ATP2B2: variants seen among roughly 807,000 people sequenced by gnomAD.
ATP2B2 encodes ATPase plasma membrane Ca2+ transporting 2, also known as plasma membrane calcium-transporting ATPase 2.
In ATP2B2, 15 loss-of-function variants were observed where a neutral mutation model predicts 120.0. The ratio of observed to expected loss-of-function variants is 0.12; its 90% CI spans 0.08 to 0.19. The LOEUF (loss-of-function observed/expected upper bound fraction) is 0.19. ATP2B2 is among the 10% of genes least tolerant of loss of function. ATP2B2 has a pLI of 1.00. For synonymous variants in ATP2B2, 694 were observed against 700.3 expected (o/e 0.99, Z 0.14); for missense variants, 1,045 against 1,719.8 (o/e 0.61, Z 6.94).
Position 10,447,248 on chromosome 3 carries a change from C to G in ATP2B2, c.199+2097G>C, listed in dbSNP as rs116270174. 1.1e-3 allele frequency among the ~76,000 whole-genome samples: 161 copies of G among 152,346 alleles called. 1 individual carries two copies. Among genetic ancestry groups the G allele is most frequent in the African/African-American group, 3.7e-3 (154 of 41,586 alleles). ...GGCATGAGGTTGGGCATGGGATGTACAGAGAGAGCAGATAGGGTTCCTGTC... is the reference window on the plus strand; with the variant it reads ...GGCATGAGGTTGGGCATGGGATGTAGAGAGAGAGCAGATAGGGTTCCTGTC... On this transcript the variant is annotated intron_variant, in intron 2 of 22. Transcript: ENST00000360273.
chr3:10,607,212 T>C (rs2069111219), intron 2 of ATP2B2, among the ~76,000 whole-genome samples: 1 of 152,090 alleles, frequency 6.6e-6, no homozygotes, highest in Admixed American at 6.5e-5. Context: ...TCCTCTCTGA[T>C]CCACTTGTGT....
Position 10,459,976 on chromosome 3 carries a change from T to G in ATP2B2, c.-319-10114A>C, listed in dbSNP as rs537228221. ...AGACCAACTTCTTTGCCGTTTTTCC[T>G]TTCTGGTTTCTACAGTGAGGCACAG... On this transcript the variant is annotated intron_variant, in intron 1 of 22. Transcript: ENST00000360273. Among the ~76,000 whole-genome samples, 9 of 152,366 alleles carry G rather than the reference T, an allele frequency of 5.9e-5. No individual in the cohort carries two copies. In the South Asian group the frequency reaches 1.7e-3, roughly 28 times the overall value.
intron 1 of ATP2B2, among the ~76,000 whole-genome samples, chr3:10,466,200 T>C (rs1246569179): frequency 1.3e-5 from 2 of 152,240 alleles, no homozygotes; most frequent in African/African-American, 4.8e-5. Flanking sequence ...GCTGAGATTT[T>C]CTTCATGCTA....
chr3:10,603,387 T>C (rs1322348982), intron 2 of ATP2B2, among the ~76,000 whole-genome samples: 4 of 152,250 alleles, frequency 2.6e-5, no homozygotes, highest in Admixed American at 2.0e-4. Context: ...AGTGACATTC[T>C]TGACAGCAGA....
At chr3:10,391,039 G>C (rs1575098021) in intron 5 of ATP2B2, among the ~76,000 whole-genome samples, 1 of 152,174 alleles carries the variant, frequency 6.6e-6, no homozygotes, top group East Asian at 1.9e-4. Flanking sequence ...GGTATCACTG[G>C]AGACTCTTCA....
intron 2 of ATP2B2, among the ~76,000 whole-genome samples, chr3:10,584,238 G>A (rs1461118813): frequency 4.6e-5 from 7 of 152,186 alleles, no homozygotes; most frequent in African/African-American, 1.7e-4. Context: ...GCAGAGGCCA[G>A]CTTGGCAGGA....
At chr3:10,548,512 G>C (rs2067598844) in intron 2 of ATP2B2, among the ~76,000 whole-genome samples, 1 of 152,160 alleles carries the variant, frequency 6.6e-6, no homozygotes, top group Admixed American at 6.5e-5. Flanking sequence ...ATGATTGATG[G>C]GTGTTGGCAG....
intron 3 of ATP2B2, among the ~76,000 whole-genome samples, chr3:10,526,940 G>A (rs945034785): frequency 5.3e-5 from 8 of 152,170 alleles, no homozygotes; most frequent in Admixed American, 2.0e-4. Flanking sequence ...TGTGTACAGC[G>A]TAATTTCATC....
At chr3:10,451,953 G>T (rs891654492) in intron 1 of ATP2B2, among the ~76,000 whole-genome samples, 1 of 152,220 alleles carries the variant, frequency 6.6e-6, no homozygotes, top group Non-Finnish European at 1.5e-5. Context: ...TCCATCCAAG[G>T]TAAATTCTAT....
At chr3:10,657,828 C>A (rs1438178739) in intron 1 of ATP2B2, among the ~76,000 whole-genome samples, 1 of 152,232 alleles carries the variant, frequency 6.6e-6, no homozygotes, top group African/African-American at 2.4e-5. Context: ...CCCAAGGAGC[C>A]TAACTGGGAG....
upstream of ATP2B2, chr3:10,505,709 G>T (rs913321924): frequency 6.8e-6 from 1 of 146,696 alleles, no homozygotes; most frequent in Non-Finnish European, 1.5e-5. Flanking sequence ...GCTGCCGGAG[G>T]CTGGGGGATG....
chr3:10,669,841 A>G (rs897449311), intron 1 of ATP2B2, among the ~76,000 whole-genome samples: 1 of 152,154 alleles, frequency 6.6e-6, no homozygotes, highest in African/African-American at 2.4e-5. Context: ...CTGCTCTGTA[A>G]ATTTGTGTGG....
chr3:10,341,213 C>T (rs2060266164), intron 19 of ATP2B2, among the ~76,000 whole-genome samples: 1 of 152,184 alleles, frequency 6.6e-6, no homozygotes. Flanking sequence ...TGGACCCTCC[C>T]ATGTGGCTTC....
At chr3:10,382,197 A>ATTTTTTTTTTTTTT (rs58615119) in intron 8 of ATP2B2, among the ~76,000 whole-genome samples, 1 of 122,322 alleles carries the variant, frequency 8.2e-6, no homozygotes, top group African/African-American at 3.3e-5. Flanking sequence ...AGCTAATTAA[A>ATTTTTTTTTTTTTT]TTTTTTTTTT....
intron 1 of ATP2B2, among the ~76,000 whole-genome samples, chr3:10,459,000 C>T (rs748965813): frequency 8.5e-5 from 13 of 152,216 alleles, no homozygotes; most frequent in Non-Finnish European, 1.3e-4. Context: ...CTCAAGGATC[C>T]TTGCTTCTTG....
At chr3:10,682,430 A>G (rs1278935915) in intron 1 of ATP2B2, among the ~76,000 whole-genome samples, 1 of 152,240 alleles carries the variant, frequency 6.6e-6, no homozygotes, top group Non-Finnish European at 1.5e-5. Context: ...TGGAGTTTGA[A>G]TGGCTTAACT....
chr3:10,564,424 GCTCCTCCCATC>G (rs1180403404), intron 2 of ATP2B2, among the ~76,000 whole-genome samples: 3 of 152,156 alleles, frequency 2.0e-5, no homozygotes, highest in Admixed American at 1.3e-4. Context: ...TAAGCCAGCA[GCTCCTCCCATC>G]CTCCTCCCCA....
At chr3:10,579,812 A>AAACAAAACAAAACAC (rs2068343244) in intron 2 of ATP2B2, among the ~76,000 whole-genome samples, 1 of 134,130 alleles carries the variant, frequency 7.5e-6, no homozygotes, top group Non-Finnish European at 1.5e-5. Flanking sequence ...TCCGTCTTGA[A>AAACAAAACAAAACAC]AACAAAACAA....
At chr3:10,610,301 G>A (rs756970840) in intron 2 of ATP2B2, among the ~76,000 whole-genome samples, 7 of 151,796 alleles carry the variant, frequency 4.6e-5, no homozygotes, top group Non-Finnish European at 8.8e-5. Context: ...TAAATGGGTT[G>A]GAAGAAAGTG....
Sources: allele counts gnomAD v4.1 joint callset (sites outside exome capture counted in the v4.1 genomes callset), GRCh38; gene constraint gnomAD v4.1.1; transcripts MANE v1.5; gene names NCBI Gene and HGNC (gene_info 2026-07-23, HGNC 2026-07-21).